Variants in KCTD20 observed in about 807,000 individuals in gnomAD.
KCTD20 encodes potassium channel tetramerization domain containing 20, also known as BTB/POZ domain-containing protein KCTD20.
In KCTD20, 30 loss-of-function variants were observed where a neutral mutation model predicts 39.6. The observed-to-expected ratio is 0.76, with a 90% CI of 0.57 to 1.03. KCTD20 has a LOEUF of 1.03. Among genes scored for constraint, KCTD20 ranks in the 50% least tolerant of loss-of-function variants. The pLI is 0.00. For synonymous variants in KCTD20, 162 were observed against 180.6 expected, an observed-to-expected ratio of 0.90 and a Z score of 0.83; for missense variants, 422 against 522.0, an observed-to-expected ratio of 0.81 and a Z score of 1.87.
At position 36,489,114 on chromosome 6, in the gene KCTD20, C is replaced by T. The variant is rs1187284787; in HGVS notation, c.*1939C>T. The stretch of plus-strand genomic sequence containing the variant: ...ATAATTGTTAAATGGTGCTTCTTTT[C>T]TGCTTCTCAGTAGACTTCCATGCCA... On this transcript the variant is annotated 3_prime_UTR_variant, in exon 8 of 8. Coordinates refer to ENST00000373731, the MANE Select transcript of KCTD20 (RefSeq NM_173562.5). 6.6e-6 allele frequency: 1 copy of T among 152,664 alleles called. No homozygotes were observed. Among genetic ancestry groups the T allele is most frequent in the African/African-American group, 2.4e-5 (1 of 41,466 alleles). 9.5% of individuals were successfully genotyped at this position (152,664 alleles called of 1,614,324 possible).
intron 1 of KCTD20, among the ~76,000 whole-genome samples, chr6:36,446,248 G>A (rs908963982): frequency 3.9e-5 from 6 of 151,956 alleles, no homozygotes; most frequent in Middle Eastern, 3.4e-3. Context: ...GGCTGGTCTC[G>A]AACTCCTGAC....
intron 2 of KCTD20, 145 bp from the exon 3 acceptor site, chr6:36,474,644 G>A (rs1776008302): frequency 4.8e-6 from 3 of 622,294 alleles, no homozygotes; most frequent in Non-Finnish European, 2.6e-6. Flanking sequence ...TTTACTTGCT[G>A]TAGGCAAGAG....
chr6:36,485,419 G>C (rs776962375), intron 7 of KCTD20, among the ~76,000 whole-genome samples: 17 of 151,908 alleles, frequency 1.1e-4, no homozygotes, highest in Non-Finnish European at 2.2e-4. Context: ...TGGTCCCCAT[G>C]GAAGGCTCTC....
chr6:36,478,873 C>G lies in KCTD20; in HGVS notation c.435-248C>G, dbSNP rs567795159. Among the ~76,000 whole-genome samples, 3 of 152,346 alleles carry G rather than the reference C, an allele frequency of 2.0e-5. No individual in the cohort carries two copies. The East Asian group carries it at 5.8e-4, about 29-fold the overall frequency. ...GCCAAAGAAACTCACTACAGATGAA[C>G]TTTGTGGACTTGATCCTTCATTCTT... is the stretch of plus-strand genomic sequence containing the variant. On this transcript the variant is annotated intron_variant, in intron 3 of 7. Coordinates refer to ENST00000373731, the MANE Select transcript of KCTD20 (RefSeq NM_173562.5).
chr6:36,451,682 G>T (rs1775260607), intron 1 of KCTD20: 1 of 152,362 alleles, frequency 6.6e-6, no homozygotes, highest in Non-Finnish European at 1.5e-5. Context: ...TAGAAACGAG[G>T]TCTCACTGTG....
chr6:36,468,063 C>G (rs912750065), intron 1 of KCTD20, among the ~76,000 whole-genome samples: 7 of 152,124 alleles, frequency 4.6e-5, no homozygotes, highest in African/African-American at 9.7e-5. Context: ...GAATGATGAT[C>G]AAAAGGTCCT....
rs1776013945 is a variant in KCTD20 at position 36,474,818 on chromosome 6, G to A, written c.190G>A (p.Ala64Thr). The A allele has an allele frequency of 6.2e-7, 1 of 1,612,108 alleles. No individual in the cohort carries two copies. The highest frequency in any genetic ancestry group is 1.3e-5 in the African/African-American group (1 of 74,962). The change falls in exon 3 of 8, where the codon GCA (alanine) becomes ACA (threonine). Residue 64 changes from alanine (A) to threonine (T), a missense_variant. Physicochemically the swap from Ala to Thr is moderately conservative, Grantham distance 58. Coordinates refer to ENST00000373731, the MANE Select transcript of KCTD20 (RefSeq NM_173562.5). ...CTCACTTGACTATGCCTCTCAGCCAGCAAATCTTCAGTTCCCTCACATAAT... is the reference window on the plus strand; with the variant it reads ...CTCACTTGACTATGCCTCTCAGCCAACAAATCTTCAGTTCCCTCACATAAT... ...DLSLDYASQP[A>T]NLQFPHIMPL...
rs571051808 is a variant in KCTD20 at position 36,479,831 on chromosome 6, G to A, written c.658+120G>A. 1.0e-5 allele frequency: 8 copies of A among 781,982 alleles called. No homozygotes were observed. The East Asian group carries it at 1.8e-4, about 18-fold the overall frequency. 48.4% of individuals were successfully genotyped at this position (781,982 alleles called of 1,614,324 possible). ...TTTTGAGACAGAGTCTCGCTCTGTCGCCGAGGCTGGAGTGCAGTGGCACGA... is the reference window on the plus strand; with the variant it reads ...TTTTGAGACAGAGTCTCGCTCTGTCACCGAGGCTGGAGTGCAGTGGCACGA... On this transcript the variant is annotated intron_variant, in intron 5 of 7. Transcript: ENST00000373731.
intron 4 of KCTD20, 65 bp from the exon 5 acceptor site, chr6:36,479,526 G>C: frequency 7.0e-7 from 1 of 1,425,916 alleles, no homozygotes; most frequent in Non-Finnish European, 9.7e-7. Flanking sequence ...GGAATGCACA[G>C]GGATGAAGAA....
rs149500929 is a variant in KCTD20 at position 36,475,312 on chromosome 6, G to A, written c.434+250G>A. Reference sequence around the variant, plus strand: ...AATACAAAAATTAGCTGGGTGTGGTGGCGGGCACCTATAATCCCAGCTGCT... The same window carrying A: ...AATACAAAAATTAGCTGGGTGTGGTAGCGGGCACCTATAATCCCAGCTGCT... On this transcript the variant is annotated intron_variant, in intron 3 of 7. Coordinates refer to ENST00000373731, the MANE Select transcript of KCTD20 (RefSeq NM_173562.5). Among the ~76,000 whole-genome samples the A allele has an allele frequency of 8.3e-4, 126 of 152,126 alleles. 2 individuals are homozygous for A. In the South Asian group the frequency reaches 8.3e-3, roughly 10 times the overall value.
At chr6:36,480,399 C>T (rs1217817484) in intron 5 of KCTD20, among the ~76,000 whole-genome samples, 1 of 143,936 alleles carries the variant, frequency 6.9e-6, no homozygotes, top group East Asian at 2.1e-4. Context: ...TTCTCCTGAT[C>T]ATGATATTGC....
Position 36,482,945 on chromosome 6 carries a change from CAAAAAAAAAAA to C in KCTD20, c.856+1196_856+1206del, listed in dbSNP as rs1193405719. Reference sequence around the variant, plus strand: ...TGAGTGACAGAGCAAGACTACGTCTCAAAAAAAAAAAAAAAAAAAAGATTAACCGGGCATGG... The same window carrying C: ...TGAGTGACAGAGCAAGACTACGTCTCAAAAAAAAAGATTAACCGGGCATGG... On this transcript the variant is annotated intron_variant, in intron 6 of 7. Transcript: ENST00000373731. Among the ~76,000 whole-genome samples, 11 of 82,426 alleles carry C rather than the reference CAAAAAAAAAAA, an allele frequency of 1.3e-4. No homozygotes were observed. The South Asian group carries it at 2.0e-3, about 15-fold the overall frequency. The allele number at this position is 82,426 out of a possible 152,430, so 54.1% of individuals were successfully genotyped here. A position where few individuals can be genotyped will look rare whatever the true frequency, so the allele number is the denominator to read the frequency against.
chr6:36,465,742 G>A (rs1775731975), intron 1 of KCTD20: 1 of 152,060 alleles, frequency 6.6e-6, no homozygotes, highest in Non-Finnish European at 1.5e-5. Context: ...CTTCATGGGA[G>A]GCCTGTGAAA....
chr6:36,474,901 T>C lies in KCTD20; in HGVS notation c.273T>C (p.His91=), dbSNP rs78853588. The C allele has an allele frequency of 2.5e-6, 4 of 1,614,132 alleles. No homozygotes were observed. In the Admixed American group the frequency reaches 5.0e-5, roughly 20 times the overall value. ...SCFQSGNKRN[H]EPFIAPERFG... Reference sequence around the variant, plus strand: ...TCCAAAGTGGGAATAAACGGAACCATGAACCTTTTATTGCTCCAGAAAGAT... The same window carrying C: ...TCCAAAGTGGGAATAAACGGAACCACGAACCTTTTATTGCTCCAGAAAGAT... Residue 91 remains histidine, a synonymous_variant, in exon 3 of 8, where the codon CAT becomes CAC. Transcript: ENST00000373731.
intron 2 of KCTD20, 52 bp downstream of exon 2, chr6:36,470,309 ATCTAC>A (rs376169098): frequency 6.6e-7 from 1 of 1,505,756 alleles, no homozygotes; most frequent in South Asian, 1.2e-5. Context: ...ATACTAGAGC[ATCTAC>A]TCTACCCAGA....
intron 7 of KCTD20, among the ~76,000 whole-genome samples, chr6:36,485,743 C>T (rs1776400349): frequency 3.3e-5 from 5 of 152,114 alleles, no homozygotes; most frequent in African/African-American, 9.7e-5. Context: ...TCCGCCGCCT[C>T]GGCCTCCCTA....
chr6:36,457,862 G>T (rs566986383), intron 1 of KCTD20, among the ~76,000 whole-genome samples: 1 of 152,264 alleles, frequency 6.6e-6, no homozygotes, highest in South Asian at 2.1e-4. Flanking sequence ...GTCACAGTGG[G>T]TGTAATAGAT....
chr6:36,443,897 A>G (rs577336201), intron 1 of KCTD20, among the ~76,000 whole-genome samples: 15 of 152,352 alleles, frequency 9.8e-5, no homozygotes, highest in African/African-American at 3.6e-4. Context: ...CCAGCTTATG[A>G]AAATATGTCC....
At chr6:36,449,467 CAG>C (rs1360548580) in intron 1 of KCTD20, among the ~76,000 whole-genome samples, 1 of 152,006 alleles carries the variant, frequency 6.6e-6, no homozygotes, top group African/African-American at 2.4e-5. Flanking sequence ...TAGCTAGACA[CAG>C]AGTGCTGATT....
Sources: allele counts gnomAD v4.1 joint callset (sites outside exome capture counted in the v4.1 genomes callset), GRCh38; gene constraint gnomAD v4.1.1; transcripts MANE v1.5; gene names NCBI Gene and HGNC (gene_info 2026-07-23, HGNC 2026-07-21).